FBXL17: variants seen among roughly 807,000 people sequenced by gnomAD.
FBXL17 encodes the protein F-box/LRR-repeat protein 17.
Under a neutral mutation model 66.2 loss-of-function variants are expected in FBXL17, and 22 were observed. The ratio of observed to expected loss-of-function variants is 0.33; its 90% CI spans 0.24 to 0.47. The LOEUF (loss-of-function observed/expected upper bound fraction) is 0.47. Among genes scored for constraint, FBXL17 ranks in the 20% least tolerant of loss-of-function variants. The pLI is 1.00. For missense variants in FBXL17, 878 were observed against 948.2 expected, an observed-to-expected ratio of 0.93 and a Z score of 0.97; for synonymous variants, 474 against 400.5, an observed-to-expected ratio of 1.18 and a Z score of -2.19.
chr5:108,207,030 C>T (rs1404884979), intron 5 of FBXL17, among the ~76,000 whole-genome samples: 1 of 152,034 alleles, frequency 6.6e-6, no homozygotes, highest in African/African-American at 2.4e-5. Context: ...GACCACATAC[C>T]TATGATACAG....
intron 6 of FBXL17, among the ~76,000 whole-genome samples, chr5:108,032,568 A>G (rs78439052): frequency 0.021 from 3,272 of 152,260 alleles, 115 homozygotes; most frequent in African/African-American, 0.074. Context: ...CTGACAGAGA[A>G]GAGAAGGCAA....
chr5:107,995,922 G>A (rs930558866), intron 7 of FBXL17, among the ~76,000 whole-genome samples: 4 of 152,166 alleles, frequency 2.6e-5, no homozygotes, highest in African/African-American at 7.2e-5. Flanking sequence ...ATCAGAATCT[G>A]TAGTTGATGA....
At chr5:108,219,366 T>C (rs1754748869) in intron 5 of FBXL17, among the ~76,000 whole-genome samples, 2 of 152,132 alleles carry the variant, frequency 1.3e-5, no homozygotes. Context: ...TTCCATTTCA[T>C]CTAAATTGTT....
intron 7 of FBXL17, among the ~76,000 whole-genome samples, chr5:107,900,220 A>G (rs1255978340): frequency 6.6e-6 from 1 of 152,208 alleles, no homozygotes; most frequent in Non-Finnish European, 1.5e-5. Context: ...TAGTAAGGTT[A>G]ATTCCACTTG....
intron 7 of FBXL17, among the ~76,000 whole-genome samples, chr5:107,926,054 G>T (rs1000092544): frequency 6.6e-6 from 1 of 152,090 alleles, no homozygotes; most frequent in Non-Finnish European, 1.5e-5. Context: ...ATATCCTATT[G>T]ACTCCATCAA....
intron 4 of FBXL17, among the ~76,000 whole-genome samples, chr5:108,303,835 T>C (rs183608128): frequency 3.9e-5 from 6 of 151,974 alleles, no homozygotes; most frequent in African/African-American, 1.2e-4. Flanking sequence ...TGATGACTAA[T>C]AGAATGTATG....
chr5:108,057,730 T>C (rs1747763442), intron 6 of FBXL17, among the ~76,000 whole-genome samples: 1 of 152,190 alleles, frequency 6.6e-6, no homozygotes, highest in Non-Finnish European at 1.5e-5. Flanking sequence ...TCCTAAGGGA[T>C]TTTGTTCAAA....
intron 4 of FBXL17, among the ~76,000 whole-genome samples, chr5:108,303,542 T>C (rs1758697711): frequency 6.6e-6 from 1 of 151,998 alleles, no homozygotes; most frequent in East Asian, 1.9e-4. Context: ...TTTGCTGAAC[T>C]ACCACATACA....
intron 7 of FBXL17, among the ~76,000 whole-genome samples, chr5:107,933,850 G>C (rs190523144): frequency 6.6e-6 from 1 of 152,048 alleles, no homozygotes; most frequent in African/African-American, 2.4e-5. Context: ...CAAAAACATA[G>C]ATAGGGATTG....
At chr5:108,324,992 G>C (rs950747371) in intron 4 of FBXL17, among the ~76,000 whole-genome samples, 1 of 152,026 alleles carries the variant, frequency 6.6e-6, no homozygotes, top group Non-Finnish European at 1.5e-5. Flanking sequence ...GGTACCTAGA[G>C]GAGTCAAAGT....
chr5:108,201,484 T>C (rs532938634), intron 5 of FBXL17, among the ~76,000 whole-genome samples: 6 of 152,266 alleles, frequency 3.9e-5, no homozygotes, highest in African/African-American at 1.4e-4. Flanking sequence ...ATTTTATACA[T>C]GTACAAAGCA....
At chr5:107,949,665 T>C (rs114236779) in intron 7 of FBXL17, among the ~76,000 whole-genome samples, 207 of 152,332 alleles carry the variant, frequency 1.4e-3, no homozygotes, top group African/African-American at 4.7e-3. Flanking sequence ...GTGAAAAGAA[T>C]TTCCTTTTGG....
At chr5:108,041,668 T>C (rs1747052896) in intron 6 of FBXL17, among the ~76,000 whole-genome samples, 2 of 152,138 alleles carry the variant, frequency 1.3e-5, no homozygotes, top group Non-Finnish European at 2.9e-5. Flanking sequence ...TCTTCCCACC[T>C]GGGCCTCACA....
chr5:107,962,306 T>A (rs1751945972), intron 7 of FBXL17, among the ~76,000 whole-genome samples: 1 of 152,140 alleles, frequency 6.6e-6, no homozygotes, highest in Non-Finnish European at 1.5e-5. Flanking sequence ...GTATAAAAAT[T>A]TTTATGTAGA....
At chr5:108,151,445 T>A (rs1017056689) in intron 6 of FBXL17, among the ~76,000 whole-genome samples, 8 of 152,174 alleles carry the variant, frequency 5.3e-5, no homozygotes, top group Non-Finnish European at 8.8e-5. Flanking sequence ...ATCTCCAGTG[T>A]TCTGTATTTG....
intron 6 of FBXL17, among the ~76,000 whole-genome samples, chr5:108,052,506 T>C (rs1561386887): frequency 6.6e-6 from 1 of 152,138 alleles, no homozygotes; most frequent in Non-Finnish European, 1.5e-5. Context: ...GTGAAGGACC[T>C]CTTCAAGGAG....
At chr5:108,278,673 C>G (rs1363408672) in intron 4 of FBXL17, among the ~76,000 whole-genome samples, 2 of 152,220 alleles carry the variant, frequency 1.3e-5, no homozygotes, top group African/African-American at 4.8e-5. Context: ...TGAGCCCCAC[C>G]AGAACTGGGG....
chr5:108,083,123 TA>T (rs1561401229), intron 6 of FBXL17, among the ~76,000 whole-genome samples: 1 of 151,408 alleles, frequency 6.6e-6, no homozygotes, highest in Non-Finnish European at 1.5e-5. Flanking sequence ...TGTAAAATAG[TA>T]AAAATATTTA....
chr5:108,168,416 A>C (rs1752487840), intron 6 of FBXL17, among the ~76,000 whole-genome samples: 1 of 152,232 alleles, frequency 6.6e-6, no homozygotes, highest in South Asian at 2.1e-4. Context: ...GCAGCTCATT[A>C]CTGATGAACG....
Sources: allele counts gnomAD v4.1 joint callset (sites outside exome capture counted in the v4.1 genomes callset), GRCh38; gene constraint gnomAD v4.1.1; transcripts MANE v1.5; gene names NCBI Gene and HGNC (gene_info 2026-07-23, HGNC 2026-07-21).